Variants in GSDME observed in about 807,000 individuals in gnomAD.
The protein encoded by GSDME is gasdermin E.
Under a neutral mutation model 47.5 loss-of-function variants are expected in GSDME, and 44 were observed. The observed-to-expected ratio is 0.93, with a 90% CI of 0.73 to 1.19. The LOEUF (loss-of-function observed/expected upper bound fraction) is 1.19. GSDME is among the 50% of genes most tolerant of loss of function. The pLI, the probability that GSDME is intolerant of heterozygous loss-of-function variation, is 0.00. For missense variants in GSDME, 663 were observed against 604.2 expected (o/e 1.10, Z -1.02); for synonymous variants, 258 against 252.8 (o/e 1.02, Z -0.20).
chr7:24,707,582 G>C (rs552028982), intron 7 of GSDME: 1 of 362,584 alleles, frequency 2.8e-6, no homozygotes, highest in Admixed American at 3.7e-5. Flanking sequence ...CTTAGTCTTT[G>C]CAGATGTAAT....
chr7:24,788,743 G>T, the GSDME span, among the ~76,000 whole-genome samples: 1 of 152,138 alleles, frequency 6.6e-6, no homozygotes, highest in South Asian at 2.1e-4. The surrounding 1 kb of genome is among the most constrained non-coding windows in gnomAD (Gnocchi z 4.6). Flanking sequence ...ACCTTAGGAT[G>T]TCTCAGTACC....
the GSDME span, among the ~76,000 whole-genome samples, chr7:24,779,278 T>C: frequency 6.6e-6 from 1 of 152,186 alleles, no homozygotes; most frequent in Non-Finnish European, 1.5e-5. This position sits in a 1 kb window ranked among gnomAD's most constrained non-coding sequence, Gnocchi z 6.0. Context: ...AGAAAGTGGT[T>C]AGTAACTGCA....
chr7:24,766,838 C>A, the GSDME span, among the ~76,000 whole-genome samples: 8 of 152,178 alleles, frequency 5.3e-5, no homozygotes, highest in African/African-American at 1.9e-4. The surrounding 1 kb of genome is among the most constrained non-coding windows in gnomAD (Gnocchi z 4.2). Flanking sequence ...ATTGCTGAAT[C>A]AAATGGTATT....
intron 9 of GSDME, among the ~76,000 whole-genome samples, chr7:24,699,649 G>GT (rs1788780558): frequency 6.6e-6 from 1 of 152,016 alleles, no homozygotes; most frequent in Non-Finnish European, 1.5e-5. Context: ...CAACTATGTC[G>GT]TTTTTTAAAT....
the GSDME span, among the ~76,000 whole-genome samples, chr7:24,792,057 C>A: frequency 6.6e-6 from 1 of 152,186 alleles, no homozygotes; most frequent in African/African-American, 2.4e-5. Context: ...TGGAGGACTA[C>A]CTTAGTGGAA....
upstream of GSDME, among the ~76,000 whole-genome samples, chr7:24,762,868 C>A (rs1488108472): frequency 1.3e-5 from 2 of 150,122 alleles, no homozygotes; most frequent in Non-Finnish European, 1.5e-5. Flanking sequence ...GAGGAAGAAC[C>A]ACAGTCCTCA....
the GSDME span, among the ~76,000 whole-genome samples, chr7:24,779,682 C>T: frequency 3.3e-5 from 5 of 152,142 alleles, no homozygotes; most frequent in Admixed American, 6.5e-5. The surrounding 1 kb of genome is among the most constrained non-coding windows in gnomAD (Gnocchi z 6.0). Context: ...CGAGTGGATT[C>T]GGAGGCTCAG....
chr7:24,784,767 C>A, the GSDME span, among the ~76,000 whole-genome samples: 4 of 152,010 alleles, frequency 2.6e-5, no homozygotes, highest in South Asian at 4.2e-4. Flanking sequence ...ACCATGCTGG[C>A]CAGGCTGGTC....
chr7:24,698,705 A>C lies in GSDME; in HGVS notation c.*321T>G, dbSNP rs573722628. 273 of 380,348 alleles carry C rather than the reference A, an allele frequency of 7.2e-4. 2 individuals carry two copies. Among genetic ancestry groups the C allele is most frequent in the African/African-American group, 5.2e-3 (253 of 48,370 alleles). The allele number at this position is 380,348 out of a possible 1,614,324, so 23.6% of individuals were successfully genotyped here. A position where few individuals can be genotyped will look rare whatever the true frequency, so the allele number is the denominator to read the frequency against. On this transcript the variant is annotated 3_prime_UTR_variant, in exon 10 of 10. Coordinates refer to ENST00000645220, the MANE Select transcript of GSDME (RefSeq NM_001127453.2). Reference sequence around the variant, plus strand: ...CTCTTTCTATGTAACAAAAAGTGGAATGCAAGTGACAGATGGACTTATTAT... The same window carrying C: ...CTCTTTCTATGTAACAAAAAGTGGACTGCAAGTGACAGATGGACTTATTAT...
chr7:24,744,414 T>C lies in GSDME; in HGVS notation c.404+148A>G. On this transcript the variant is annotated intron_variant, in intron 3 of 9. Coordinates refer to ENST00000645220, the MANE Select transcript of GSDME (RefSeq NM_001127453.2). This position sits in a 1 kb window ranked among gnomAD's most constrained non-coding sequence, Gnocchi z 4.5. ...AGCAATTCCAGACTAAAGAATGTGC[T>C]CCTCATGAAATTTCAACACAAGCGC... The C allele has an allele frequency of 4.5e-6, 4 of 891,300 alleles. No individual in the cohort carries two copies. The highest frequency in any genetic ancestry group is 7.3e-6 in the Non-Finnish European group (4 of 549,960). The allele number at this position is 891,300 out of a possible 1,614,324, so 55.2% of individuals were successfully genotyped here.
At chr7:24,751,237 A>T (rs536383595) in intron 1 of GSDME, among the ~76,000 whole-genome samples, 1 of 152,228 alleles carries the variant, frequency 6.6e-6, no homozygotes, top group Non-Finnish European at 1.5e-5. Context: ...CAAATTGCAC[A>T]TAGCCCAATA....
chr7:24,777,684 G>C, the GSDME span, among the ~76,000 whole-genome samples: 1 of 152,052 alleles, frequency 6.6e-6, no homozygotes, highest in Non-Finnish European at 1.5e-5. Flanking sequence ...GTGACAAAAG[G>C]AGATTAAATC....
At chr7:24,786,280 A>G in the GSDME span, among the ~76,000 whole-genome samples, 1 of 152,186 alleles carries the variant, frequency 6.6e-6, no homozygotes, top group East Asian at 1.9e-4. The surrounding 1 kb of genome is among the most constrained non-coding windows in gnomAD (Gnocchi z 5.5). Context: ...CAAAAACCCG[A>G]GGAAAACTTT....
At chr7:24,782,133 T>C in the GSDME span, among the ~76,000 whole-genome samples, 299 of 152,214 alleles carry the variant, frequency 2.0e-3, 1 homozygote, top group African/African-American at 6.3e-3. Flanking sequence ...TTGTTACATA[T>C]GTTTACATGT....
At chr7:24,759,433 C>T (rs1005434192), upstream of GSDME, among the ~76,000 whole-genome samples, 5 of 152,042 alleles carry the variant, frequency 3.3e-5, no homozygotes, top group African/African-American at 1.2e-4. Flanking sequence ...AATTAAATGC[C>T]CGAGGAAGAT....
At chr7:24,737,845 T>A (rs1297062345) in intron 3 of GSDME, among the ~76,000 whole-genome samples, 1 of 152,164 alleles carries the variant, frequency 6.6e-6, no homozygotes, top group East Asian at 1.9e-4. Flanking sequence ...TGCAAATCAA[T>A]CAGTGTGACA....
chr7:24,699,511 T>C (rs564881663), intron 9 of GSDME, among the ~76,000 whole-genome samples: 6 of 152,150 alleles, frequency 3.9e-5, no homozygotes, highest in Non-Finnish European at 8.8e-5. Flanking sequence ...AGCTAATTTT[T>C]GTATTTTTAG....
At chr7:24,775,579 T>C in the GSDME span, among the ~76,000 whole-genome samples, 1 of 152,020 alleles carries the variant, frequency 6.6e-6, no homozygotes, top group Non-Finnish European at 1.5e-5. Flanking sequence ...TCAGAATCTC[T>C]GCTAAGGGCC....
Position 24,706,200 on chromosome 7 carries a change from C to G in GSDME, c.1167G>C (p.Leu389Phe). Residue 389 changes from leucine (L) to phenylalanine (F), a missense_variant, in exon 8 of 10, where the codon TTG (leucine) becomes TTC (phenylalanine). By Grantham distance (22) the Leu-to-Phe change is conservative. Coordinates refer to ENST00000645220, the MANE Select transcript of GSDME (RefSeq NM_001127453.2). ...SKQLFMTAYF[L>F]VSALAEMPDS... ...TCTCCTTACCTGCGAGGGCACTGAC[C>G]AAGAAGTAGGCTGTCATAAACAGCT... The G allele has an allele frequency of 6.2e-7, 1 of 1,614,232 alleles. No homozygotes were observed.
Sources: allele counts gnomAD v4.1 joint callset (sites outside exome capture counted in the v4.1 genomes callset), GRCh38; gene constraint gnomAD v4.1.1; non-coding constraint Gnocchi (gnomAD v3.1); transcripts MANE v1.5; gene names NCBI Gene and HGNC (gene_info 2026-07-23, HGNC 2026-07-21).